Variants in SGPP2 observed in about 807,000 individuals in gnomAD.
SGPP2 encodes the protein sphingosine 1-phosphate phosphohydrolase 2.
SGPP2 carries 30 observed loss-of-function variants against 33.9 expected under a neutral mutation model. That is an observed-to-expected ratio of 0.89 (90% confidence interval 0.66 to 1.20). The LOEUF (loss-of-function observed/expected upper bound fraction) is 1.20. SGPP2 is among the 50% of genes most tolerant of loss of function. The pLI, the probability that SGPP2 is intolerant of heterozygous loss-of-function variation, is 0.00. For synonymous variants in SGPP2, 233 were observed against 225.0 expected (o/e 1.04, Z -0.32); for missense variants, 458 against 532.1 (o/e 0.86, Z 1.37).
chr2:222,524,393 A>G (rs1056469132), intron 3 of SGPP2, among the ~76,000 whole-genome samples: 6 of 152,212 alleles, frequency 3.9e-5, no homozygotes, highest in Admixed American at 3.3e-4. Flanking sequence ...TCCTCTAGCC[A>G]CTAGTATTAC....
intron 1 of SGPP2, among the ~76,000 whole-genome samples, chr2:222,426,146 G>C: frequency 7.4e-6 from 1 of 135,810 alleles, no homozygotes; most frequent in Admixed American, 8.7e-5. Flanking sequence ...TGAGGCGGAG[G>C]TTGCAGTGAG....
intron 1 of SGPP2, among the ~76,000 whole-genome samples, chr2:222,450,960 T>C (rs747939063): frequency 1.4e-4 from 21 of 152,200 alleles, no homozygotes; most frequent in Non-Finnish European, 2.8e-4. Context: ...AATGTTTACT[T>C]CATATTGATT....
At chr2:222,469,659 A>G (rs563274509) in intron 1 of SGPP2, among the ~76,000 whole-genome samples, 4 of 152,214 alleles carry the variant, frequency 2.6e-5, no homozygotes, top group African/African-American at 9.6e-5. Flanking sequence ...ATTTCTAACC[A>G]CTATTTCTTC....
chr2:222,496,504 A>T (rs1365650303), intron 2 of SGPP2, among the ~76,000 whole-genome samples: 11 of 152,128 alleles, frequency 7.2e-5, no homozygotes, highest in Non-Finnish European at 1.6e-4. Context: ...TATACCTTCA[A>T]ATCCATCCTC....
At chr2:222,439,409 G>A (rs1396489860) in intron 1 of SGPP2, among the ~76,000 whole-genome samples, 1 of 152,108 alleles carries the variant, frequency 6.6e-6, no homozygotes, top group African/African-American at 2.4e-5. Context: ...GCATGCACCT[G>A]TAACCCCAGC....
At chr2:222,542,035 G>A (rs1699006126) in intron 4 of SGPP2, among the ~76,000 whole-genome samples, 1 of 152,210 alleles carries the variant, frequency 6.6e-6, no homozygotes, top group South Asian at 2.1e-4. Context: ...CATCACCCAT[G>A]TTAGGAAATA....
chr2:222,491,505 G>A (rs1698196834), intron 2 of SGPP2, among the ~76,000 whole-genome samples: 1 of 152,090 alleles, frequency 6.6e-6, no homozygotes, highest in Non-Finnish European at 1.5e-5. Context: ...AAGAGTAGAG[G>A]AAACTGCATT....
intron 4 of SGPP2, among the ~76,000 whole-genome samples, chr2:222,531,686 A>ATG (rs1212315880): frequency 1.3e-5 from 2 of 152,262 alleles, no homozygotes; most frequent in South Asian, 2.1e-4. Context: ...ATTTTATGTT[A>ATG]TGTGTGTGTG....
chr2:222,447,061 G>A (rs1697409163), intron 1 of SGPP2, among the ~76,000 whole-genome samples: 1 of 152,196 alleles, frequency 6.6e-6, no homozygotes, highest in African/African-American at 2.4e-5. Context: ...AATATCATCA[G>A]ACTCAAGCTG....
intron 4 of SGPP2, among the ~76,000 whole-genome samples, chr2:222,538,389 A>T (rs1698944897): frequency 6.6e-6 from 1 of 152,218 alleles, no homozygotes; most frequent in Non-Finnish European, 1.5e-5. Context: ...AGAAATAAAA[A>T]ATAAACTCTA....
At chr2:222,524,878 T>C in intron 3 of SGPP2, 66 bp from the exon 4 acceptor site, 1 of 1,255,612 alleles carries the variant, frequency 8.0e-7, no homozygotes, top group Non-Finnish European at 1.2e-6. Context: ...TATTCCCACC[T>C]ATGACATCAA....
chr2:222,556,877 T>TC (rs1206640991), intron 4 of SGPP2, among the ~76,000 whole-genome samples: 1 of 106,082 alleles, frequency 9.4e-6, no homozygotes, highest in African/African-American at 3.8e-5. Context: ...CCCTCACTCC[T>TC]CCCCATCCAC....
At chr2:222,510,624 T>A (rs1217365999) in intron 2 of SGPP2, among the ~76,000 whole-genome samples, 2 of 152,020 alleles carry the variant, frequency 1.3e-5, no homozygotes, top group African/African-American at 4.8e-5. Context: ...GATCTTTCAA[T>A]TTTTTTTAAT....
Position 222,559,298 on chromosome 2 carries a change from G to A in SGPP2, c.*400G>A, listed in dbSNP as rs999207835. ...TGGGTTCTGGAGAGCCAGTAGAGAT[G>A]GGGTGATCTGGGAGGCTGGAGGTAG... is the stretch of plus-strand genomic sequence containing the variant. On this transcript the variant is annotated 3_prime_UTR_variant, in exon 5 of 5. Coordinates refer to ENST00000321276, the MANE Select transcript of SGPP2 (RefSeq NM_152386.4). The A allele has an allele frequency of 5.5e-6, 1 of 181,460 alleles. No individual in the cohort carries two copies. Among genetic ancestry groups the A allele is most frequent in the Non-Finnish European group, 1.2e-5 (1 of 84,704 alleles). 11.2% of individuals were successfully genotyped at this position (181,460 alleles called of 1,614,324 possible). A position where few individuals can be genotyped will look rare whatever the true frequency, so the allele number is the denominator to read the frequency against.
At chr2:222,523,536 CA>C (rs1698716574) in intron 3 of SGPP2, among the ~76,000 whole-genome samples, 2 of 152,164 alleles carry the variant, frequency 1.3e-5, no homozygotes, top group African/African-American at 4.8e-5. Context: ...CAGAGCCACC[CA>C]GTCCTCCTTA....
chr2:222,476,352 G>A lies in SGPP2; in HGVS notation c.378+1626G>A, dbSNP rs1186960467. ...GGTATCCACACAAATTCTTCACCAG[G>A]TGGTGACAGAGGGACTAGGGAGCAA... is the stretch of plus-strand genomic sequence containing the variant. On this transcript the variant is annotated intron_variant, in intron 2 of 4. Transcript: ENST00000321276. This position sits in a 1 kb window ranked among gnomAD's most constrained non-coding sequence, Gnocchi z 4.3. Among the ~76,000 whole-genome samples, 1 of 152,112 alleles carries A rather than the reference G, an allele frequency of 6.6e-6. No homozygotes were observed. Among genetic ancestry groups the A allele is most frequent in the Non-Finnish European group, 1.5e-5 (1 of 68,014 alleles).
chr2:222,454,065 C>G (rs573303367), intron 1 of SGPP2, among the ~76,000 whole-genome samples: 11 of 152,276 alleles, frequency 7.2e-5, no homozygotes, highest in Non-Finnish European at 1.2e-4. Flanking sequence ...ATTTTGTAAT[C>G]TTTTACTTTT....
chr2:222,424,599 C>T lies in SGPP2; in HGVS notation c.-4C>T. 5 of 1,325,726 alleles carry T rather than the reference C, an allele frequency of 3.8e-6. No individual in the cohort carries two copies. The highest frequency in any genetic ancestry group is 2.9e-6 in the Non-Finnish European group (3 of 1,032,580). The allele number at this position is 1,325,726 out of a possible 1,614,324, so 82.1% of individuals were successfully genotyped here. ...CGGCGGCGGAGCGCGGCCCCGGGCA[C>T]ACCATGGCCGAGCTGCTGCGGAGCC... On this transcript the variant is annotated 5_prime_UTR_variant, in exon 1 of 5. Transcript: ENST00000321276.
In SGPP2 at chr2:222,559,082, G is replaced by A; in HGVS notation, c.*184G>A. ...AAGAACTGTCTCATAGCGGTCATTGGTCGTCCGTGGTGGTTGGTTGTGCTA... is the reference window on the plus strand; with the variant it reads ...AAGAACTGTCTCATAGCGGTCATTGATCGTCCGTGGTGGTTGGTTGTGCTA... On this transcript the variant is annotated 3_prime_UTR_variant, in exon 5 of 5. Transcript: ENST00000321276. The A allele has an allele frequency of 1.7e-6, 1 of 599,362 alleles. No individual in the cohort carries two copies. Among genetic ancestry groups the A allele is most frequent in the Non-Finnish European group, 2.8e-6 (1 of 351,448 alleles). 37.1% of individuals were successfully genotyped at this position (599,362 alleles called of 1,614,324 possible).
Sources: gnomAD v4.1 joint callset for allele counts (sites outside exome capture counted in the v4.1 genomes callset) on GRCh38, gnomAD v4.1.1 for gene constraint, Gnocchi (gnomAD v3.1) non-coding constraint, MANE v1.5 for transcripts, NCBI Gene and HGNC (gene_info 2026-07-23, HGNC 2026-07-21) for gene names.